The following IFT27 variants were observed in gnomAD, a reference collection of about 807,000 sequenced individuals.
IFT27 encodes intraflagellar transport 27.
Under a neutral mutation model 23.9 loss-of-function variants are expected in IFT27, and 19 were observed. The observed-to-expected ratio is 0.79, with a 90% CI of 0.55 to 1.16. IFT27 has a LOEUF of 1.16. Ranked by LOEUF, IFT27 falls within the 50% of genes most tolerant of loss-of-function variation. The pLI, the probability that IFT27 is intolerant of heterozygous loss-of-function variation, is 0.00. For synonymous variants in IFT27, 91 were observed against 89.1 expected (o/e 1.02, Z -0.12); for missense variants, 206 against 228.7 (o/e 0.90, Z 0.64).
chr22:36,759,960 G>A (rs1033508330), intron 6 of IFT27: 8 of 152,278 alleles, frequency 5.3e-5, no homozygotes, highest in Non-Finnish European at 1.2e-4. Context: ...GCAAGGGAAA[G>A]CCTAAGTAAA....
intron 6 of IFT27, chr22:36,759,219 C>T: frequency 6.6e-6 from 1 of 152,370 alleles, no homozygotes; most frequent in Non-Finnish European, 1.5e-5. Flanking sequence ...GTGGAGTGGG[C>T]CACGACAGAC....
chr22:36,772,368 G>T (rs1938402594), intron 1 of IFT27: 1 of 360,402 alleles, frequency 2.8e-6, no homozygotes, highest in Non-Finnish European at 3.9e-6. Context: ...GCTGCAACAT[G>T]TATAACCTAA....
Position 36,775,974 on chromosome 22 carries a change from G to A in IFT27, c.-267C>T, listed in dbSNP as rs546807961. The A allele has an allele frequency of 5.2e-6, 3 of 579,354 alleles. No individual in the cohort carries two copies. Among genetic ancestry groups the A allele is most frequent in the Non-Finnish European group, 9.3e-6 (3 of 323,862 alleles). 35.9% of individuals were successfully genotyped at this position (579,354 alleles called of 1,614,324 possible). On this transcript the variant is annotated 5_prime_UTR_variant, in exon 1 of 7. Transcript: ENST00000433985. ...AGGCCTGACACGGCAGTCTGAAAAG[G>A]TGCAAGCGAGCGGACACGGCCTGTG...
chr22:36,773,214 C>G (rs12158462), intron 1 of IFT27, among the ~76,000 whole-genome samples: 7 of 151,842 alleles, frequency 4.6e-5, no homozygotes, highest in African/African-American at 1.7e-4. Context: ...CAAAAATTAA[C>G]TGGGCATGGT....
At chr22:36,760,296 A>C (rs1569073936) in intron 6 of IFT27, 1 of 152,210 alleles carries the variant, frequency 6.6e-6, no homozygotes, top group Non-Finnish European at 1.5e-5. Flanking sequence ...ATTCGAAAAC[A>C]CTCCACAATG....
chr22:36,774,775 G>A (rs1254107881), intron 1 of IFT27, among the ~76,000 whole-genome samples: 2 of 151,040 alleles, frequency 1.3e-5, no homozygotes, highest in Non-Finnish European at 2.9e-5. Flanking sequence ...TTGCGCCACT[G>A]CCCTCCAGCC....
intron 5 of IFT27, 87 bp from the exon 6 acceptor site, chr22:36,763,100 G>A: frequency 1.1e-6 from 1 of 904,470 alleles, no homozygotes; most frequent in Non-Finnish European, 1.7e-6. Context: ...ATTTTTGAGG[G>A]GTGTAAAGCA....
chr22:36,773,347 G>A (rs930019972), intron 1 of IFT27, among the ~76,000 whole-genome samples: 8 of 149,778 alleles, frequency 5.3e-5, no homozygotes, highest in Admixed American at 4.7e-4. Flanking sequence ...GAGACAGAGT[G>A]AAATTACGCC....
chr22:36,767,728 G>T, intron 2 of IFT27, 55 bp downstream of exon 2: 1 of 1,468,312 alleles, frequency 6.8e-7, no homozygotes, highest in Non-Finnish European at 9.5e-7. Context: ...CACTCATCAT[G>T]GTGAACCGAG....
chr22:36,767,865 G>C lies in IFT27; in HGVS notation c.35-3C>G. The stretch of plus-strand genomic sequence containing the variant: ...GGTCTTGCCCACTGCTGGGTCTCCT[G>C]TGAGATCAGAAAAGAAGAAAAAGAA... On this transcript the variant is annotated splice_region_variant and splice_polypyrimidine_tract_variant and intron_variant, in intron 1 of 6. Transcript: ENST00000433985. 1 of 1,613,074 alleles carries C rather than the reference G, an allele frequency of 6.2e-7. No homozygotes were observed. Among genetic ancestry groups the C allele is most frequent in the Non-Finnish European group, 8.5e-7 (1 of 1,178,984 alleles).
chr22:36,758,708 G>C (rs1014302989), intron 6 of IFT27: 3 of 349,926 alleles, frequency 8.6e-6, no homozygotes, highest in Non-Finnish European at 1.6e-5. Context: ...GTCACTGTAC[G>C]TGTGACGAGA....
At chr22:36,765,624 A>C (rs954717450) in intron 4 of IFT27, among the ~76,000 whole-genome samples, 2 of 152,152 alleles carry the variant, frequency 1.3e-5, no homozygotes, top group Non-Finnish European at 2.9e-5. Context: ...GTTACCGTGG[A>C]AGGTACAGCA....
intron 6 of IFT27, chr22:36,762,274 G>T (rs1047548843): frequency 6.6e-6 from 1 of 152,314 alleles, no homozygotes; most frequent in African/African-American, 2.4e-5. Flanking sequence ...GATACATTAG[G>T]TTGGTGCAAA....
At chr22:36,772,853 T>C (rs1938416424) in intron 1 of IFT27, 1 of 705,546 alleles carries the variant, frequency 1.4e-6, no homozygotes, top group Non-Finnish European at 1.7e-6. Flanking sequence ...ACCAATGGCA[T>C]GTGTGTGGTG....
chr22:36,770,202 C>T (rs1211871646), intron 1 of IFT27, among the ~76,000 whole-genome samples: 1 of 152,194 alleles, frequency 6.6e-6, no homozygotes, highest in African/African-American at 2.4e-5. Flanking sequence ...TGCGAGATCA[C>T]CTGTGACCTC....
In IFT27 at chr22:36,768,066, A is replaced by T. The variant is rs760418790; in HGVS notation, c.35-204T>A. ...GCAAACCTCACAACAGCCAGAGCAC[A>T]CTTCTGCACGGCTAAGCCTTTTATC... On this transcript the variant is annotated intron_variant, in intron 1 of 6. Transcript: ENST00000433985. The T allele has an allele frequency of 4.4e-6, 3 of 685,632 alleles. No individual in the cohort carries two copies. In the South Asian group the frequency reaches 4.5e-5, roughly 10 times the overall value. 42.5% of individuals were successfully genotyped at this position (685,632 alleles called of 1,614,324 possible).
Position 36,758,384 on chromosome 22 carries a change from G to A in IFT27, c.488C>T (p.Pro163Leu), listed in dbSNP as rs1350620837. 6.2e-7 allele frequency: 1 copy of A among 1,614,108 alleles called. No homozygotes were observed. The highest frequency in any genetic ancestry group is 8.5e-7 in the Non-Finnish European group (1 of 1,180,012). ...SVKEMENFEAPFHCLAKQFHQ... is the reference protein window; with the variant it reads ...SVKEMENFEALFHCLAKQFHQ... ...GAACTGCTTGGCAAGGCAGTGGAAA[G>A]GGGCTTCGAAGTTTTCCATCTCTTT... is the stretch of plus-strand genomic sequence containing the variant. The change falls in exon 7 of 7, where the codon CCT (proline) becomes CTT (leucine). Residue 163 changes from proline (P) to leucine (L), a missense_variant. By Grantham distance (98) the Pro-to-Leu change is moderately conservative. Coordinates refer to ENST00000433985, the MANE Select transcript of IFT27 (RefSeq NM_001177701.3).
intron 6 of IFT27, chr22:36,762,046 C>T (rs2145914298): frequency 6.6e-6 from 1 of 152,364 alleles, no homozygotes; most frequent in East Asian, 1.9e-4. Context: ...GGGCAACCAA[C>T]ACTCGGGCCC....
intron 3 of IFT27, chr22:36,766,413 C>T (rs1256878058): frequency 1.8e-6 from 1 of 545,916 alleles, no homozygotes; most frequent in African/African-American, 1.9e-5. Flanking sequence ...CGGGTTCTCG[C>T]ACCAACCAGC....
Sources: gnomAD v4.1 joint callset for allele counts (sites outside exome capture counted in the v4.1 genomes callset) on GRCh38, gnomAD v4.1.1 for gene constraint, MANE v1.5 for transcripts, NCBI Gene and HGNC (gene_info 2026-07-23, HGNC 2026-07-21) for gene names.